CSMD1: variants seen among roughly 807,000 people sequenced by gnomAD.
The protein encoded by CSMD1 is CUB and Sushi multiple domains 1.
In CSMD1, 213 loss-of-function variants were observed where a neutral mutation model predicts 417.5. The ratio of observed to expected loss-of-function variants is 0.51; its 90% CI spans 0.46 to 0.57. The LOEUF (loss-of-function observed/expected upper bound fraction) is 0.57. CSMD1 is among the 20% of genes least tolerant of loss of function. The probability of loss-of-function intolerance (pLI) is 0.00; values close to 1 mark genes in which losing one functional copy is unlikely to be tolerated. For synonymous variants in CSMD1, 2,862 were observed against 1,736.8 expected, an observed-to-expected ratio of 1.65 and a Z score of -16.11; for missense variants, 6,923 against 4,529.7, an observed-to-expected ratio of 1.53 and a Z score of -15.17.
chr8:3,369,485 A>G, intron 18 of CSMD1, 115 bp from the exon 19 acceptor site: 1 of 613,852 alleles, frequency 1.6e-6, no homozygotes, highest in Non-Finnish European at 2.9e-6. Context: ...TTAATGTCAT[A>G]TCCAAGAAAA....
chr8:4,408,396 A>G (rs1563142235), intron 3 of CSMD1, among the ~76,000 whole-genome samples: 1 of 152,248 alleles, frequency 6.6e-6, no homozygotes, highest in Non-Finnish European at 1.5e-5. Flanking sequence ...ATTTTACCCT[A>G]TGAAAGGATT....
intron 3 of CSMD1, among the ~76,000 whole-genome samples, chr8:4,177,232 C>G (rs143247878): frequency 3.7e-4 from 56 of 152,290 alleles, no homozygotes; most frequent in African/African-American, 1.3e-3. Flanking sequence ...CAAACTGTCT[C>G]TCACACCACA....
rs533331032 is a variant in CSMD1 at position 3,289,469 on chromosome 8, A to G, written c.3951-5123T>C. ...AGTGTAAAAGTGTTCCTATTTCTCC[A>G]TATCCTCTCCAGCACCTGTTTTTTC... On this transcript the variant is annotated intron_variant, in intron 25 of 69. Transcript: ENST00000635120. 4.3e-4 allele frequency among the ~76,000 whole-genome samples: 64 copies of G among 147,584 alleles called. 4 individuals are homozygous for G. The highest frequency in any genetic ancestry group is 3.1e-3 in the East Asian group (16 of 5,094).
In CSMD1 at chr8:4,771,410, C is replaced by T. The variant is rs545306003; in HGVS notation, c.86-133852G>A. ...TTGCTACTGCAGAGAAGCTTGCATT[C>T]CATTTTAAAATATCAAATCCAAATC... On this transcript the variant is annotated intron_variant, in intron 1 of 69. Transcript: ENST00000635120. Among the ~76,000 whole-genome samples, 4 of 152,308 alleles carry T rather than the reference C, an allele frequency of 2.6e-5. No individual in the cohort carries two copies. In the South Asian group the frequency reaches 8.3e-4, roughly 32 times the overall value.
At chr8:3,792,551 A>G (rs1281864464) in intron 5 of CSMD1, among the ~76,000 whole-genome samples, 1 of 152,160 alleles carries the variant, frequency 6.6e-6, no homozygotes, top group Non-Finnish European at 1.5e-5. Context: ...TCAGACTAGT[A>G]ACTTTGGAAT....
At chr8:3,243,222 C>T (rs34321537) in intron 26 of CSMD1, among the ~76,000 whole-genome samples, 41,450 of 151,806 alleles carry the variant, frequency 0.27, 6,293 homozygotes, top group Non-Finnish European at 0.35. Flanking sequence ...TCTGAGGACC[C>T]GTGGTGGTAG....
intron 3 of CSMD1, among the ~76,000 whole-genome samples, chr8:4,414,963 A>G (rs1340309885): frequency 2.0e-5 from 3 of 152,120 alleles, no homozygotes; most frequent in Non-Finnish European, 4.4e-5. Context: ...TTTTGGGACA[A>G]TATAACTATC....
chr8:4,279,447 C>G (rs1217881938), intron 3 of CSMD1, among the ~76,000 whole-genome samples: 2 of 152,130 alleles, frequency 1.3e-5, no homozygotes, highest in Non-Finnish European at 2.9e-5. Context: ...GATAAGATTC[C>G]AAGTCCCAGT....
intron 1 of CSMD1, among the ~76,000 whole-genome samples, chr8:4,793,756 G>A (rs901472851): frequency 6.1e-5 from 9 of 147,652 alleles, no homozygotes; most frequent in African/African-American, 7.5e-5. Flanking sequence ...GTGGACATTC[G>A]TTTTACCATC....
At chr8:4,540,740 T>C (rs769426201) in intron 2 of CSMD1, among the ~76,000 whole-genome samples, 1 of 152,082 alleles carries the variant, frequency 6.6e-6, no homozygotes, top group Non-Finnish European at 1.5e-5. Flanking sequence ...CTGTGCCAGG[T>C]ACTAAGGGCT....
At chr8:3,360,781 G>A (rs1382479443) in intron 20 of CSMD1, among the ~76,000 whole-genome samples, 1 of 151,240 alleles carries the variant, frequency 6.6e-6, no homozygotes, top group Non-Finnish European at 1.5e-5. Flanking sequence ...GGAATTTTAG[G>A]TTCATTATTT....
intron 3 of CSMD1, among the ~76,000 whole-genome samples, chr8:4,382,437 G>A (rs969013342): frequency 6.6e-6 from 1 of 152,204 alleles, no homozygotes; most frequent in African/African-American, 2.4e-5. Context: ...TTGTAGTATA[G>A]TCTGGCCTTG....
intron 23 of CSMD1, among the ~76,000 whole-genome samples, chr8:3,309,400 T>C (rs572695343): frequency 9.2e-5 from 14 of 152,184 alleles, no homozygotes; most frequent in African/African-American, 3.4e-4. Flanking sequence ...CTTGAGGAAA[T>C]CCACACAACA....
intron 4 of CSMD1, among the ~76,000 whole-genome samples, chr8:4,013,618 T>A (rs541625647): frequency 3.9e-5 from 6 of 152,288 alleles, no homozygotes; most frequent in Non-Finnish European, 5.9e-5. Flanking sequence ...TGCTTCTCAT[T>A]TGCTTATTTA....
At chr8:3,006,244 T>A (rs2128959745) in intron 52 of CSMD1, among the ~76,000 whole-genome samples, 1 of 151,724 alleles carries the variant, frequency 6.6e-6, no homozygotes, top group African/African-American at 2.4e-5. Context: ...CAAGGAGAAC[T>A]ACAAACCACT....
At chr8:4,884,277 A>G (rs921570684) in intron 1 of CSMD1, among the ~76,000 whole-genome samples, 1 of 151,962 alleles carries the variant, frequency 6.6e-6, no homozygotes, top group Admixed American at 6.5e-5. Context: ...AGTTACAAGT[A>G]TCTTACCAGA....
chr8:3,268,791 A>G (rs183133251), intron 26 of CSMD1, among the ~76,000 whole-genome samples: 201 of 152,278 alleles, frequency 1.3e-3, no homozygotes, highest in East Asian at 4.5e-3. Context: ...GACTTATCAG[A>G]AAATTTTATG....
At chr8:4,578,160 G>C (rs1323991450) in intron 2 of CSMD1, among the ~76,000 whole-genome samples, 4 of 151,816 alleles carry the variant, frequency 2.6e-5, no homozygotes, top group African/African-American at 9.7e-5. Context: ...TGATAAAAGA[G>C]CATTTTTTGT....
intron 2 of CSMD1, among the ~76,000 whole-genome samples, chr8:4,444,156 AC>A (rs1798644275): frequency 6.6e-6 from 1 of 151,942 alleles, no homozygotes; most frequent in Non-Finnish European, 1.5e-5. Context: ...ACTCTGGCCA[AC>A]ATGGCAAAAC....
Sources: allele counts gnomAD v4.1 joint callset (sites outside exome capture counted in the v4.1 genomes callset), GRCh38; gene constraint gnomAD v4.1.1; transcripts MANE v1.5; gene names NCBI Gene and HGNC (gene_info 2026-07-23, HGNC 2026-07-21).